HDHD2: variants seen among roughly 807,000 people sequenced by gnomAD.
HDHD2 encodes haloacid dehalogenase-like hydrolase domain-containing protein 2.
HDHD2 carries 26 observed loss-of-function variants against 24.8 expected under a neutral mutation model. The ratio of observed to expected loss-of-function variants is 1.05; its 90% CI spans 0.77 to 1.45. HDHD2 has a LOEUF of 1.45. Ranked by LOEUF, HDHD2 falls within the 40% of genes most tolerant of loss-of-function variation. The pLI is 0.00. For missense variants in HDHD2, 299 were observed against 313.4 expected (o/e 0.95, Z 0.35); for synonymous variants, 128 against 114.9 (o/e 1.11, Z -0.73).
chr18:47,121,242 A>G (rs1267500274), intron 4 of HDHD2, among the ~76,000 whole-genome samples: 2 of 152,188 alleles, frequency 1.3e-5, no homozygotes, highest in East Asian at 3.8e-4. Context: ...TATACTGCAG[A>G]TTAAGTACTG....
At chr18:47,118,570 C>G (rs1568046017) in intron 4 of HDHD2, among the ~76,000 whole-genome samples, 1 of 152,064 alleles carries the variant, frequency 6.6e-6, no homozygotes, top group Non-Finnish European at 1.5e-5. Context: ...AACACAGACT[C>G]CGGCCTGTTG....
intron 6 of HDHD2, chr18:47,109,970 A>G: frequency 1.0e-6 from 1 of 985,310 alleles, no homozygotes; most frequent in Non-Finnish European, 1.2e-6. Context: ...TGGAGGGAAG[A>G]AGAGAGGGGA....
chr18:47,137,500 A>G (rs1343278500), intron 1 of HDHD2, among the ~76,000 whole-genome samples: 1 of 152,184 alleles, frequency 6.6e-6, no homozygotes, highest in Non-Finnish European at 1.5e-5. Flanking sequence ...TTTTTTAACT[A>G]AATAGCCAAT....
chr18:47,142,108 T>G (rs1278770310), intron 1 of HDHD2, among the ~76,000 whole-genome samples: 1 of 152,202 alleles, frequency 6.6e-6, no homozygotes, highest in Non-Finnish European at 1.5e-5. Flanking sequence ...ATTAAACATC[T>G]TTCCTGTATA....
At chr18:47,140,927 AGAC>A (rs2063814250) in intron 1 of HDHD2, among the ~76,000 whole-genome samples, 1 of 152,226 alleles carries the variant, frequency 6.6e-6, no homozygotes, top group African/African-American at 2.4e-5. Context: ...TTTTCTATGT[AGAC>A]AATAATTACC....
chr18:47,137,980 A>G (rs949729938), intron 1 of HDHD2, among the ~76,000 whole-genome samples: 1 of 151,828 alleles, frequency 6.6e-6, no homozygotes, highest in African/African-American at 2.4e-5. Context: ...CAGCGTGGTA[A>G]AACCGCGTCT....
At chr18:47,110,270 T>A (rs1261726471) in intron 6 of HDHD2, 1 of 985,278 alleles carries the variant, frequency 1.0e-6, no homozygotes, top group Non-Finnish European at 1.2e-6. Flanking sequence ...TATAACTTCT[T>A]ACAGGAAGGG....
At chr18:47,118,613 T>C (rs148279191) in intron 4 of HDHD2, among the ~76,000 whole-genome samples, 6 of 152,116 alleles carry the variant, frequency 3.9e-5, no homozygotes, top group South Asian at 2.1e-4. Flanking sequence ...TCAGGAAAAA[T>C]AGCTAATGCC....
At chr18:47,126,323 T>G (rs1440575622) in intron 4 of HDHD2, among the ~76,000 whole-genome samples, 2 of 152,188 alleles carry the variant, frequency 1.3e-5, no homozygotes, top group African/African-American at 4.8e-5. Flanking sequence ...GCCATTACTG[T>G]CTGTTTGTCT....
chr18:47,130,328 C>T lies in HDHD2; in HGVS notation c.311G>A (p.Gly104Glu). Residue 104 changes from glycine to glutamate, a missense_variant and splice_region_variant, in exon 4 of 7, where the codon GGA becomes GAA. By Grantham distance (98) the Gly-to-Glu change is moderately conservative. Coordinates refer to ENST00000300605, the MANE Select transcript of HDHD2 (RefSeq NM_032124.5). Reference sequence around the variant, plus strand: ...AGCATTAGGATCACTTGTTTGTATTCCTGGGAACGGAAAAAAAAAATGATT... The same window carrying T: ...AGCATTAGGATCACTTGTTTGTATTTCTGGGAACGGAAAAAAAAAATGATT... ...VDDRALPDFKGIQTSDPNAVV... is the reference protein window; with the variant it reads ...VDDRALPDFKEIQTSDPNAVV... 6.4e-7 allele frequency: 1 copy of T among 1,569,502 alleles called. No homozygotes were observed. Among genetic ancestry groups the T allele is most frequent in the African/African-American group, 1.4e-5 (1 of 72,608 alleles).
chr18:47,127,092 C>T (rs1437730641), intron 4 of HDHD2, among the ~76,000 whole-genome samples: 1 of 151,970 alleles, frequency 6.6e-6, no homozygotes, highest in Non-Finnish European at 1.5e-5. Context: ...ACCCGGAAGG[C>T]GGAGCTTGCA....
chr18:47,114,798 A>G (rs1270251400), intron 5 of HDHD2, among the ~76,000 whole-genome samples: 1 of 152,054 alleles, frequency 6.6e-6, no homozygotes, highest in African/African-American at 2.4e-5. Context: ...CATTTAAAGC[A>G]TTCAATTGAC....
intron 4 of HDHD2, among the ~76,000 whole-genome samples, chr18:47,121,106 TAAAA>T (rs112259613): frequency 7.1e-6 from 1 of 141,132 alleles, no homozygotes; most frequent in Non-Finnish European, 1.6e-5. Context: ...ATCAGTTTGT[TAAAA>T]AAAAAAAAAA....
chr18:47,114,856 T>A (rs990826405), intron 5 of HDHD2, among the ~76,000 whole-genome samples: 2 of 151,160 alleles, frequency 1.3e-5, no homozygotes, highest in African/African-American at 2.4e-5. Context: ...TACAAATATA[T>A]ATATATTATA....
intron 6 of HDHD2, chr18:47,110,137 G>C: frequency 1.0e-6 from 1 of 985,342 alleles, no homozygotes; most frequent in Non-Finnish European, 1.2e-6. Context: ...TTCAACAAGA[G>C]ACCTACTGTT....
rs886998672 is a variant in HDHD2 at position 47,107,767 on chromosome 18, A to T, written c.*915T>A. ...AATCTGTCCCAATAGCTTCTAAAAA[A>T]TTTTTCCCATAGTGTCAGAGGCAAA... is the stretch of plus-strand genomic sequence containing the variant. On this transcript the variant is annotated 3_prime_UTR_variant, in exon 7 of 7. Transcript: ENST00000300605. 1 of 152,606 alleles carries T rather than the reference A, an allele frequency of 6.6e-6. No individual in the cohort carries two copies. The allele number at this position is 152,606 out of a possible 1,614,324, so 9.5% of individuals were successfully genotyped here.
At chr18:47,120,001 C>G (rs906326363) in intron 4 of HDHD2, among the ~76,000 whole-genome samples, 1 of 152,160 alleles carries the variant, frequency 6.6e-6, no homozygotes, top group African/African-American at 2.4e-5. Context: ...CTGTAAGTCT[C>G]AATAGTGTCT....
chr18:47,108,662 C>A lies in HDHD2; in HGVS notation c.*20G>T. ...CAATAAGAAGCTGCATTTCAAGTTG[C>A]TTCAGATGCACACACTGCTTCACAA... On this transcript the variant is annotated 3_prime_UTR_variant, in exon 7 of 7. Transcript: ENST00000300605. 7.5e-7 allele frequency: 1 copy of A among 1,340,632 alleles called. No homozygotes were observed. Among genetic ancestry groups the A allele is most frequent in the South Asian group, 1.2e-5 (1 of 81,866 alleles). 83.0% of individuals were successfully genotyped at this position (1,340,632 alleles called of 1,614,324 possible). A position where few individuals can be genotyped will look rare whatever the true frequency, so the allele number is the denominator to read the frequency against.
chr18:47,111,024 C>A, intron 6 of HDHD2: 4 of 985,142 alleles, frequency 4.1e-6, no homozygotes, highest in Non-Finnish European at 4.8e-6. Context: ...TAGCACTTGT[C>A]CACTGCACTG....
Sources: gnomAD v4.1 joint callset for allele counts (sites outside exome capture counted in the v4.1 genomes callset) on GRCh38, gnomAD v4.1.1 for gene constraint, MANE v1.5 for transcripts, NCBI Gene and HGNC (gene_info 2026-07-23, HGNC 2026-07-21) for gene names.